The following CTNND2 variants were observed in gnomAD, a reference collection of about 807,000 sequenced individuals.
CTNND2 encodes catenin delta-2.
In CTNND2, 22 loss-of-function variants were observed where a neutral mutation model predicts 144.4. That is an observed-to-expected ratio of 0.15 (90% CI 0.11 to 0.22). CTNND2 has a LOEUF of 0.22. Among genes scored for constraint, CTNND2 ranks in the 10% least tolerant of loss-of-function variants. The probability of loss-of-function intolerance (pLI) is 1.00; values close to 1 mark genes in which losing one functional copy is unlikely to be tolerated. For missense variants in CTNND2, 1,353 were observed against 1,618.8 expected, an observed-to-expected ratio of 0.84 and a Z score of 2.82; for synonymous variants, 751 against 695.6, an observed-to-expected ratio of 1.08 and a Z score of -1.25.
At chr5:11,747,652 A>G (rs1350719558) in intron 1 of CTNND2, among the ~76,000 whole-genome samples, 1 of 152,162 alleles carries the variant, frequency 6.6e-6, no homozygotes, top group East Asian at 1.9e-4. Context: ...CTAAACAAAT[A>G]CACAGTTTTC....
chr5:11,179,378 T>C (rs1760787912), intron 11 of CTNND2, among the ~76,000 whole-genome samples: 2 of 152,118 alleles, frequency 1.3e-5, no homozygotes, highest in Middle Eastern at 3.2e-3. Flanking sequence ...CTGTACTATA[T>C]TCCTAAAACA....
At chr5:11,862,735 T>C (rs1311631235) in intron 1 of CTNND2, among the ~76,000 whole-genome samples, 2 of 152,234 alleles carry the variant, frequency 1.3e-5, no homozygotes, top group Non-Finnish European at 2.9e-5. Context: ...TTCTTGGCTA[T>C]ACGACAATTT....
intron 3 of CTNND2, among the ~76,000 whole-genome samples, chr5:11,515,388 T>C (rs191842207): frequency 6.6e-6 from 1 of 152,308 alleles, no homozygotes; most frequent in Admixed American, 6.5e-5. Context: ...AATAGAATCT[T>C]AGATGGAGAT....
chr5:11,739,775 A>T (rs1787890974), intron 1 of CTNND2, among the ~76,000 whole-genome samples: 1 of 152,174 alleles, frequency 6.6e-6, no homozygotes, highest in Non-Finnish European at 1.5e-5. Flanking sequence ...AGATAGCATG[A>T]TTGTATACTT....
rs567549149 is a variant in CTNND2 at position 11,832,297 on chromosome 5, G to GA, written c.37+71519dup. Among the ~76,000 whole-genome samples the GA allele has an allele frequency of 3.2e-4, 44 of 137,928 alleles. 1 individual carries two copies. Among genetic ancestry groups the GA allele is most frequent in the South Asian group, 1.5e-3 (6 of 3,928 alleles). 90.5% of individuals were successfully genotyped at this position (137,928 alleles called of 152,430 possible). ...GATTCCATCTCACAAAAATAAGAAA[G>GA]AAAAAAAAAACGAAAGCTCTGTTCT... On this transcript the variant is annotated intron_variant, in intron 1 of 21. Coordinates refer to ENST00000304623, the MANE Select transcript of CTNND2 (RefSeq NM_001332.4).
intron 2 of CTNND2, among the ~76,000 whole-genome samples, chr5:11,660,306 C>G (rs1581682752): frequency 6.6e-6 from 1 of 151,880 alleles, no homozygotes; most frequent in Non-Finnish European, 1.5e-5. Flanking sequence ...GAGTATGGTA[C>G]GAGAAAAGTA....
rs1045849472 is a variant in CTNND2 at position 11,729,687 on chromosome 5, C to T, written c.174+2449G>A. ...TTACCTATTTAGTCACTAATTTCTA[C>T]AGAATATATATCTAAATGACTAAAT... On this transcript the variant is annotated intron_variant, in intron 2 of 21. Coordinates refer to ENST00000304623, the MANE Select transcript of CTNND2 (RefSeq NM_001332.4). Among the ~76,000 whole-genome samples the T allele has an allele frequency of 6.6e-5, 10 of 152,072 alleles. 1 individual carries two copies. Among genetic ancestry groups the T allele is most frequent in the South Asian group, 4.1e-4 (2 of 4,832 alleles).
intron 3 of CTNND2, among the ~76,000 whole-genome samples, chr5:11,537,081 T>C (rs1774277186): frequency 1.3e-5 from 2 of 151,838 alleles, no homozygotes; most frequent in African/African-American, 2.4e-5. Context: ...AATTAGTCTC[T>C]AGTAACCCCT....
Position 11,221,241 on chromosome 5 carries a change from G to A in CTNND2, c.1761+15450C>T, listed in dbSNP as rs74554753. ...AATCAGCGTCTGATACGAAATGACT[G>A]AAACATGGTCAAGCCAGAAATTTGC... On this transcript the variant is annotated intron_variant, in intron 10 of 21. Coordinates refer to ENST00000304623, the MANE Select transcript of CTNND2 (RefSeq NM_001332.4). Among the ~76,000 whole-genome samples, 48 of 152,340 alleles carry A rather than the reference G, an allele frequency of 3.2e-4. No individual in the cohort carries two copies. In the East Asian group the frequency reaches 9.3e-3, roughly 29 times the overall value.
At chr5:11,606,821 C>A (rs895411848) in intron 2 of CTNND2, among the ~76,000 whole-genome samples, 1 of 152,158 alleles carries the variant, frequency 6.6e-6, no homozygotes, top group East Asian at 1.9e-4. Flanking sequence ...AAATCAGGAA[C>A]ATTAAGAAGC....
chr5:11,764,603 T>C (rs1342222532), intron 1 of CTNND2, among the ~76,000 whole-genome samples: 1 of 152,230 alleles, frequency 6.6e-6, no homozygotes, highest in East Asian at 1.9e-4. Flanking sequence ...CTTTCTTTTA[T>C]GGGCATGTCA....
chr5:11,613,719 T>C (rs1304824421), intron 2 of CTNND2, among the ~76,000 whole-genome samples: 2 of 152,238 alleles, frequency 1.3e-5, no homozygotes, highest in African/African-American at 4.8e-5. Context: ...TTGGGTCATC[T>C]CTTTCTTACC....
chr5:11,039,121 G>A (rs145607034), intron 16 of CTNND2, among the ~76,000 whole-genome samples: 155 of 152,158 alleles, frequency 1.0e-3, no homozygotes, highest in African/African-American at 3.6e-3. Flanking sequence ...ACACACAATC[G>A]CCTTTCTACT....
intron 3 of CTNND2, among the ~76,000 whole-genome samples, chr5:11,448,725 A>G (rs544217214): frequency 1.3e-5 from 2 of 152,046 alleles, no homozygotes; most frequent in Non-Finnish European, 2.9e-5. Context: ...GTGGAGTGCA[A>G]TGGTGTGATC....
intron 9 of CTNND2, among the ~76,000 whole-genome samples, chr5:11,297,178 A>G (rs1212839758): frequency 6.6e-6 from 1 of 152,214 alleles, no homozygotes; most frequent in African/African-American, 2.4e-5. Flanking sequence ...GGTCCATTCA[A>G]GGATTTGAAG....
chr5:11,813,900 C>A (rs577998072), intron 1 of CTNND2, among the ~76,000 whole-genome samples: 2 of 152,160 alleles, frequency 1.3e-5, no homozygotes, highest in Non-Finnish European at 2.9e-5. Flanking sequence ...CTTTACCACA[C>A]GGCTACTGAT....
chr5:11,671,674 C>A lies in CTNND2; in HGVS notation c.174+60462G>T, dbSNP rs549268247. 2.6e-5 allele frequency among the ~76,000 whole-genome samples: 4 copies of A among 152,000 alleles called. No individual in the cohort carries two copies. The East Asian group carries it at 7.8e-4, about 30-fold the overall frequency. ...AAACTGGATATTCTAGTTAGCAATT[C>A]GTCTAACCTTTTTTCAAGGTTCTTA... On this transcript the variant is annotated intron_variant, in intron 2 of 21. Transcript: ENST00000304623.
At position 10,973,513 on chromosome 5, in the gene CTNND2, G is replaced by A; in HGVS notation, c.3618C>T (p.Pro1206=). Residue 1206 remains proline (P), a synonymous_variant, in exon 22 of 22, where the codon CCC becomes CCT. Transcript: ENST00000304623. The surrounding 1 kb of genome is among the most constrained non-coding windows in gnomAD (Gnocchi z 5.6). ...TCGTTTCATAGTTCAGTTCACTGTA[G>A]GGACGGGCAGCTGAGTAGAAGTCAA... is the stretch of plus-strand genomic sequence containing the variant. ...NYVDFYSAAR[P]YSELNYETSH... is the part of the protein sequence containing the mutation. The A allele has an allele frequency of 6.2e-7, 1 of 1,613,022 alleles. No homozygotes were observed.
Position 11,770,424 on chromosome 5 carries a change from G to A in CTNND2, c.38-38152C>T, listed in dbSNP as rs1026961738. On this transcript the variant is annotated intron_variant, in intron 1 of 21. Transcript: ENST00000304623. ...AACAGAAAAAAAGGAAAGAAGGAAG[G>A]AAGGAAGGAAGGAAGGAAGGAAGGA... Among the ~76,000 whole-genome samples the A allele has an allele frequency of 4.4e-4, 53 of 121,774 alleles. 1 individual carries two copies. The highest frequency in any genetic ancestry group is 4.4e-3 in the Middle Eastern group (1 of 228). 79.9% of individuals were successfully genotyped at this position (121,774 alleles called of 152,430 possible).
Sources: allele counts gnomAD v4.1 joint callset (sites outside exome capture counted in the v4.1 genomes callset), GRCh38; gene constraint gnomAD v4.1.1; non-coding constraint Gnocchi (gnomAD v3.1); transcripts MANE v1.5; gene names NCBI Gene and HGNC (gene_info 2026-07-23, HGNC 2026-07-21).